Variants in DEPTOR observed in about 807,000 individuals in gnomAD.
DEPTOR encodes DEP domain containing MTOR interacting protein, also known as DEP domain-containing mTOR-interacting protein.
A neutral mutation model predicts 41.6 loss-of-function variants in DEPTOR; 41 were observed. The observed-to-expected ratio is 0.98, with a 90% CI of 0.77 to 1.28. The LOEUF (loss-of-function observed/expected upper bound fraction) is 1.28. DEPTOR is among the 50% of genes most tolerant of loss of function. DEPTOR has a pLI of 0.00. For missense variants in DEPTOR, 514 were observed against 527.9 expected (o/e 0.97, Z 0.26); for synonymous variants, 195 against 192.3 (o/e 1.01, Z -0.12).
chr8:120,001,126 G>A (rs1812342392), intron 4 of DEPTOR, among the ~76,000 whole-genome samples: 1 of 151,874 alleles, frequency 6.6e-6, no homozygotes, highest in African/African-American at 2.4e-5. Flanking sequence ...GCTCTCTGCT[G>A]GGCAATGGGG....
At chr8:120,045,237 A>G (rs1813136655) in intron 8 of DEPTOR, among the ~76,000 whole-genome samples, 1 of 152,246 alleles carries the variant, frequency 6.6e-6, no homozygotes, top group Non-Finnish European at 1.5e-5. Context: ...TGCCTAGGGT[A>G]GCCCTGAATC....
intron 8 of DEPTOR, among the ~76,000 whole-genome samples, chr8:120,041,911 T>C (rs1813079134): frequency 6.6e-6 from 1 of 152,114 alleles, no homozygotes; most frequent in South Asian, 2.1e-4. Flanking sequence ...CTTGTGAAAG[T>C]TTTGTTCTTC....
At chr8:120,015,189 A>G (rs1812590803) in intron 8 of DEPTOR, among the ~76,000 whole-genome samples, 1 of 152,162 alleles carries the variant, frequency 6.6e-6, no homozygotes, top group Admixed American at 6.6e-5. Context: ...TGCTTATCAT[A>G]CCTTTATCTC....
chr8:119,902,349 T>G (rs1349244791), intron 1 of DEPTOR, among the ~76,000 whole-genome samples: 2 of 152,156 alleles, frequency 1.3e-5, no homozygotes, highest in South Asian at 4.1e-4. Flanking sequence ...TTTAGGATTT[T>G]TTTTTTGAGA....
chr8:119,900,362 C>T (rs1397635051), intron 1 of DEPTOR, among the ~76,000 whole-genome samples: 3 of 93,058 alleles, frequency 3.2e-5, no homozygotes, highest in African/African-American at 4.5e-5. Context: ...AACTAAATGT[C>T]TATTACACAC....
chr8:119,911,899 A>G (rs1455948817), intron 1 of DEPTOR, among the ~76,000 whole-genome samples: 2 of 152,196 alleles, frequency 1.3e-5, no homozygotes, highest in Non-Finnish European at 2.9e-5. Context: ...TGAAAATCCA[A>G]ACCTTTATAC....
chr8:119,951,204 T>C (rs1586629655), intron 3 of DEPTOR, among the ~76,000 whole-genome samples: 1 of 152,342 alleles, frequency 6.6e-6, no homozygotes, highest in East Asian at 1.9e-4. Context: ...CAATTTCTTC[T>C]ATTTTCTAAT....
At chr8:119,886,223 G>C (rs184248064) in intron 1 of DEPTOR, among the ~76,000 whole-genome samples, 1 of 151,986 alleles carries the variant, frequency 6.6e-6, no homozygotes, top group Non-Finnish European at 1.5e-5. Flanking sequence ...CTCTTTTATT[G>C]GTTGGCTTCA....
chr8:119,917,657 T>C (rs1490125505), intron 1 of DEPTOR, among the ~76,000 whole-genome samples: 1 of 152,192 alleles, frequency 6.6e-6, no homozygotes, highest in Non-Finnish European at 1.5e-5. Context: ...TGTGATAGTC[T>C]GAAATATGGC....
chr8:119,965,222 T>A lies in DEPTOR; in HGVS notation c.426-10T>A. Reference sequence around the variant, plus strand: ...AGGTTTACTTTTCTTTTCCCTTTTTTTCTTCCCAGGCTGATGAGCCCTGAA... The same window carrying A: ...AGGTTTACTTTTCTTTTCCCTTTTTATCTTCCCAGGCTGATGAGCCCTGAA... On this transcript the variant is annotated splice_polypyrimidine_tract_variant and intron_variant, in intron 3 of 8. Coordinates refer to ENST00000286234, the MANE Select transcript of DEPTOR (RefSeq NM_022783.4). 1.3e-6 allele frequency: 2 copies of A among 1,598,810 alleles called. No individual in the cohort carries two copies. Among genetic ancestry groups the A allele is most frequent in the Non-Finnish European group, 1.7e-6 (2 of 1,175,566 alleles).
rs200397756 is a variant in DEPTOR at position 120,012,127 on chromosome 8, A to G, written c.1101+2994A>G. Among the ~76,000 whole-genome samples, 172 of 152,366 alleles carry G rather than the reference A, an allele frequency of 1.1e-3. 1 individual carries two copies. The highest frequency in any genetic ancestry group is 2.1e-3 in the Non-Finnish European group (144 of 68,028). ...TAACATTTTATCATTTAAGAGAAAC[A>G]TGCAAAAGGAATCTTTATCAGTGTT... On this transcript the variant is annotated intron_variant, in intron 8 of 8. Transcript: ENST00000286234.
intron 5 of DEPTOR, among the ~76,000 whole-genome samples, 186 bp from the exon 6 acceptor site, chr8:120,002,791 A>AAAATATATATATATATAT: frequency 3.8e-4 from 23 of 60,664 alleles, no homozygotes; most frequent in East Asian, 2.1e-3. Context: ...AAAAAAAAAA[A>AAAATATATATATATATAT]ATATATATAT....
At chr8:120,020,439 A>G (rs1000045425) in intron 8 of DEPTOR, among the ~76,000 whole-genome samples, 47 of 152,196 alleles carry the variant, frequency 3.1e-4, no homozygotes, top group African/African-American at 1.1e-3. Context: ...GCAGTGGTGC[A>G]AACATGGTTC....
At chr8:119,889,962 T>C (rs1827430680) in intron 1 of DEPTOR, among the ~76,000 whole-genome samples, 1 of 152,080 alleles carries the variant, frequency 6.6e-6, no homozygotes, top group South Asian at 2.1e-4. Context: ...TGTTGTTTTG[T>C]TTTGTTTTGT....
intron 3 of DEPTOR, among the ~76,000 whole-genome samples, chr8:119,938,701 C>T (rs977715081): frequency 2.6e-5 from 4 of 151,830 alleles, no homozygotes; most frequent in Admixed American, 6.6e-5. Flanking sequence ...CAGTAGAGAG[C>T]GTTTTGCCAG....
chr8:120,044,117 T>C (rs2130207928), intron 8 of DEPTOR, among the ~76,000 whole-genome samples: 1 of 151,582 alleles, frequency 6.6e-6, no homozygotes, highest in Middle Eastern at 3.4e-3. Flanking sequence ...ATATTAAGTA[T>C]GTAAAACAAA....
rs377225251 is a variant in DEPTOR, at chr8:119,929,954, A to C, written c.425+16A>C. On this transcript the variant is annotated intron_variant, in intron 3 of 8. Transcript: ENST00000286234. ...TATATGAAAAGTATGTTCCGCATGA[A>C]ATCCCCCCTGTAATCTTGACTTATA... is the stretch of plus-strand genomic sequence containing the variant. 5 of 1,603,752 alleles carry C rather than the reference A, an allele frequency of 3.1e-6. No homozygotes were observed. In the South Asian group the frequency reaches 5.5e-5, roughly 18 times the overall value.
chr8:119,960,303 T>G (rs1474869742), intron 3 of DEPTOR, among the ~76,000 whole-genome samples: 3 of 149,762 alleles, frequency 2.0e-5, no homozygotes, highest in Non-Finnish European at 4.5e-5. Context: ...CCAAGATTTT[T>G]GATGATAACA....
At chr8:119,905,326 C>T (rs1827648615) in intron 1 of DEPTOR, among the ~76,000 whole-genome samples, 3 of 152,082 alleles carry the variant, frequency 2.0e-5, no homozygotes, top group Admixed American at 6.6e-5. Flanking sequence ...ATGGGAGCTC[C>T]GGATGGAAGT....
Sources: gnomAD v4.1 joint callset for allele counts (sites outside exome capture counted in the v4.1 genomes callset) on GRCh38, gnomAD v4.1.1 for gene constraint, MANE v1.5 for transcripts, NCBI Gene and HGNC (gene_info 2026-07-23, HGNC 2026-07-21) for gene names.